FBXL20: variants seen among roughly 807,000 people sequenced by gnomAD.
The protein encoded by FBXL20 is F-box and leucine rich repeat protein 20, also known as F-box/LRR-repeat protein 20.
A neutral mutation model predicts 64.0 loss-of-function variants in FBXL20; 11 were observed. The observed-to-expected ratio is 0.17, with a 90% CI of 0.11 to 0.28. FBXL20 has a LOEUF of 0.28. FBXL20 is among the 10% of genes least tolerant of loss of function. The pLI is 1.00. For missense variants in FBXL20, 303 were observed against 526.2 expected (o/e 0.58, Z 4.15); for synonymous variants, 184 against 189.0 (o/e 0.97, Z 0.22).
rs190427899 is a variant in FBXL20 at position 39,278,651 on chromosome 17, G to A, written c.696+2738C>T. Reference sequence around the variant, plus strand: ...CAACCTCCACCTCCTGGGTTCAAGCGATTCTCCTGCCTCAGCCTCCCAAAT... The same window carrying A: ...CAACCTCCACCTCCTGGGTTCAAGCAATTCTCCTGCCTCAGCCTCCCAAAT... On this transcript the variant is annotated intron_variant, in intron 9 of 14. Transcript: ENST00000264658. Among the ~76,000 whole-genome samples, 386 of 149,930 alleles carry A rather than the reference G, an allele frequency of 2.6e-3. 1 individual carries two copies. Among genetic ancestry groups the A allele is most frequent in the Admixed American group, 5.7e-3 (86 of 14,960 alleles).
chr17:39,356,210 ATC>A (rs1458641900), intron 1 of FBXL20, among the ~76,000 whole-genome samples: 1 of 117,648 alleles, frequency 8.5e-6, no homozygotes, highest in African/African-American at 4.0e-5. Context: ...GCGAGACTCC[ATC>A]TCAAAAAAAA....
At chr17:39,399,920 T>C (rs147911562) in intron 1 of FBXL20, among the ~76,000 whole-genome samples, 34 of 152,270 alleles carry the variant, frequency 2.2e-4, no homozygotes, top group African/African-American at 7.7e-4. Flanking sequence ...CCGACTCAAA[T>C]CTTCAGTATC....
At chr17:39,297,771 T>C (rs959272158) in intron 5 of FBXL20, among the ~76,000 whole-genome samples, 1 of 152,200 alleles carries the variant, frequency 6.6e-6, no homozygotes, top group Non-Finnish European at 1.5e-5. Context: ...AATCTCTCTC[T>C]GTCACCCAGG....
At chr17:39,277,052 C>G (rs571116110) in intron 9 of FBXL20, among the ~76,000 whole-genome samples, 2 of 152,354 alleles carry the variant, frequency 1.3e-5, no homozygotes, top group African/African-American at 4.8e-5. Context: ...CTTCTTGTCT[C>G]TGTTTAATAG....
Position 39,303,800 on chromosome 17 carries a change from C to T in FBXL20, c.105-161G>A, listed in dbSNP as rs370874496. Among the ~76,000 whole-genome samples the T allele has an allele frequency of 2.6e-5, 4 of 152,154 alleles. No homozygotes were observed. In the East Asian group the frequency reaches 5.8e-4, roughly 22 times the overall value. ...TTCCTGGGGTCAGGTGATCCTCCCACGTCAAGCTCCTGAGTAGCTAGGACT... is the reference window on the plus strand; with the variant it reads ...TTCCTGGGGTCAGGTGATCCTCCCATGTCAAGCTCCTGAGTAGCTAGGACT... On this transcript the variant is annotated intron_variant, in intron 2 of 14. Coordinates refer to ENST00000264658, the MANE Select transcript of FBXL20 (RefSeq NM_032875.3).
At chr17:39,367,152 G>A (rs1287285039) in intron 1 of FBXL20, among the ~76,000 whole-genome samples, 1 of 151,862 alleles carries the variant, frequency 6.6e-6, no homozygotes, top group Non-Finnish European at 1.5e-5. Flanking sequence ...AAAAGTGCTG[G>A]GATTGTAGGC....
At chr17:39,317,923 G>A (rs374797945) in intron 2 of FBXL20, among the ~76,000 whole-genome samples, 23 of 150,852 alleles carry the variant, frequency 1.5e-4, no homozygotes, top group East Asian at 8.0e-4. Flanking sequence ...GGATGGTCTC[G>A]ATCTCCTGAC....
chr17:39,314,475 A>G (rs968513489), intron 2 of FBXL20, among the ~76,000 whole-genome samples: 1 of 151,890 alleles, frequency 6.6e-6, no homozygotes, highest in Non-Finnish European at 1.5e-5. Flanking sequence ...CAGCCTCCTG[A>G]GTAGCTGAGA....
chr17:39,316,847 G>C (rs2047297499), intron 2 of FBXL20, among the ~76,000 whole-genome samples: 2 of 152,226 alleles, frequency 1.3e-5, no homozygotes, highest in South Asian at 4.1e-4. Flanking sequence ...AAATGAGCCG[G>C]GCATGGTGCT....
At chr17:39,313,616 T>TC (rs1271958582) in intron 2 of FBXL20, among the ~76,000 whole-genome samples, 8 of 151,926 alleles carry the variant, frequency 5.3e-5, no homozygotes, top group Non-Finnish European at 1.2e-4. Context: ...ATTATTTTTT[T>TC]CCCTCATAAC....
At chr17:39,324,015 C>CT (rs1417401662) in intron 2 of FBXL20, among the ~76,000 whole-genome samples, 1 of 123,224 alleles carries the variant, frequency 8.1e-6, no homozygotes, top group African/African-American at 3.5e-5. Context: ...CCAACCCCCT[C>CT]CCCCCCCCAC....
In FBXL20 at chr17:39,312,403, T is replaced by C. The variant is rs571172409; in HGVS notation, c.105-8764A>G. On this transcript the variant is annotated intron_variant, in intron 2 of 14. Coordinates refer to ENST00000264658, the MANE Select transcript of FBXL20 (RefSeq NM_032875.3). Reference sequence around the variant, plus strand: ...CACTCCAGCCTGGGAGACAGACCTATACTCCATCTCAAAAAAATAAAAAGT... The same window carrying C: ...CACTCCAGCCTGGGAGACAGACCTACACTCCATCTCAAAAAAATAAAAAGT... Among the ~76,000 whole-genome samples the C allele has an allele frequency of 4.7e-5, 7 of 150,064 alleles. No individual in the cohort carries two copies. The East Asian group carries it at 1.0e-3, about 21-fold the overall frequency.
intron 10 of FBXL20, among the ~76,000 whole-genome samples, chr17:39,272,718 AAAAG>A (rs1555602652): frequency 3.9e-4 from 31 of 79,878 alleles, no homozygotes; most frequent in Middle Eastern, 0.015. Flanking sequence ...AAAAAAAAAA[AAAAG>A]AAAGAAAGAA....
rs1452557713 is a variant in FBXL20 at position 39,259,333 on chromosome 17, A to G, written c.*2127T>C. On this transcript the variant is annotated 3_prime_UTR_variant, in exon 15 of 15. Coordinates refer to ENST00000264658, the MANE Select transcript of FBXL20 (RefSeq NM_032875.3). ...AAATAAAATAAAATAAATAAATAAAACAAGCCTTTTAATAGTCTGGATCAT... is the reference window on the plus strand; with the variant it reads ...AAATAAAATAAAATAAATAAATAAAGCAAGCCTTTTAATAGTCTGGATCAT... The G allele has an allele frequency of 1.3e-5, 2 of 152,016 alleles. No individual in the cohort carries two copies. Among genetic ancestry groups the G allele is most frequent in the Admixed American group, 1.3e-4 (2 of 15,246 alleles). 9.4% of individuals were successfully genotyped at this position (152,016 alleles called of 1,614,324 possible). A position where few individuals can be genotyped will look rare whatever the true frequency, so the allele number is the denominator to read the frequency against.
intron 10 of FBXL20, among the ~76,000 whole-genome samples, chr17:39,271,351 A>G (rs2046841512): frequency 6.6e-6 from 1 of 152,126 alleles, no homozygotes. Flanking sequence ...TAATCCCAAC[A>G]CTTTGGGAGG....
intron 7 of FBXL20, among the ~76,000 whole-genome samples, chr17:39,283,908 TA>T (rs1333302575): frequency 1.5e-5 from 2 of 133,598 alleles, no homozygotes; most frequent in Non-Finnish European, 3.1e-5. Flanking sequence ...ATCCAGAAGA[TA>T]AAGCCATGAT....
At chr17:39,282,600 A>T in intron 8 of FBXL20, 129 bp downstream of exon 8, 2 of 1,237,122 alleles carry the variant, frequency 1.6e-6, no homozygotes, top group Non-Finnish European at 2.3e-6. Context: ...TTTGGTAAGC[A>T]TTTGTCTTTT....
intron 1 of FBXL20, among the ~76,000 whole-genome samples, chr17:39,377,508 T>G (rs1447968140): frequency 6.7e-6 from 1 of 150,086 alleles, no homozygotes; most frequent in Non-Finnish European, 1.5e-5. Context: ...TTGTTGTTGT[T>G]TTTTTTTTTT....
rs117740497 is a variant in FBXL20, at chr17:39,306,081, A to G, written c.105-2442T>C. On this transcript the variant is annotated intron_variant, in intron 2 of 14. Transcript: ENST00000264658. Reference sequence around the variant, plus strand: ...TTGGGAAGCTGATGTAGGAGGATCTATTGTGTTCAGTTTGAGGCTGCAGTA... The same window carrying G: ...TTGGGAAGCTGATGTAGGAGGATCTGTTGTGTTCAGTTTGAGGCTGCAGTA... Among the ~76,000 whole-genome samples, 529 of 151,414 alleles carry G rather than the reference A, an allele frequency of 3.5e-3. 24 individuals are homozygous for G. In the East Asian group the frequency reaches 0.08, roughly 23 times the overall value.
Sources: gnomAD v4.1 joint callset for allele counts (sites outside exome capture counted in the v4.1 genomes callset) on GRCh38, gnomAD v4.1.1 for gene constraint, MANE v1.5 for transcripts, NCBI Gene and HGNC (gene_info 2026-07-23, HGNC 2026-07-21) for gene names.